KIF26B: variants seen among roughly 807,000 people sequenced by gnomAD.
KIF26B encodes the protein kinesin-like protein KIF26B.
In KIF26B, 63 loss-of-function variants were observed where a neutral mutation model predicts 151.2. The ratio of observed to expected loss-of-function variants is 0.42; its 90% CI spans 0.34 to 0.51. The LOEUF (loss-of-function observed/expected upper bound fraction) is 0.51. Ranked by LOEUF, KIF26B falls within the 20% of genes least tolerant of loss-of-function variation. The pLI is 0.07. For synonymous variants in KIF26B, 1,357 were observed against 1,262.1 expected (o/e 1.08, Z -1.59); for missense variants, 2,813 against 2,913.6 (o/e 0.97, Z 0.79).
intron 2 of KIF26B, among the ~76,000 whole-genome samples, chr1:245,175,982 A>G (rs1265639294): frequency 6.7e-6 from 1 of 148,238 alleles, no homozygotes; most frequent in South Asian, 2.1e-4. Flanking sequence ...ACATCTATAT[A>G]TATAGATATA....
rs115292744 is a variant in KIF26B at position 245,612,761 on chromosome 1, G to C, written c.2098+785G>C. On this transcript the variant is annotated intron_variant, in intron 9 of 14. Coordinates refer to ENST00000407071, the MANE Select transcript of KIF26B (RefSeq NM_018012.4). ...AATCAGACTTTTGAATAACTACCCAGACCCTGGCTGCCTCCCTCAAATCGT... is the reference window on the plus strand; with the variant it reads ...AATCAGACTTTTGAATAACTACCCACACCCTGGCTGCCTCCCTCAAATCGT... Among the ~76,000 whole-genome samples, 746 of 152,236 alleles carry C rather than the reference G, an allele frequency of 4.9e-3. 7 individuals are homozygous for C. The highest frequency in any genetic ancestry group is 0.017 in the African/African-American group (709 of 41,544).
chr1:245,162,600 A>G (rs991726442), intron 2 of KIF26B, among the ~76,000 whole-genome samples: 2 of 152,020 alleles, frequency 1.3e-5, no homozygotes, highest in Non-Finnish European at 2.9e-5. Context: ...TGGTCAGGCT[A>G]GTCTCTATCT....
rs1435500334 is a variant in KIF26B, at chr1:245,155,466, C to T, written c.42C>T (p.Ser14=). 1 of 1,612,208 alleles carries T rather than the reference C, an allele frequency of 6.2e-7. No homozygotes were observed. The highest frequency in any genetic ancestry group is 8.5e-7 in the Non-Finnish European group (1 of 1,179,070). ...VAGNKERLAV[S]TRGKKYGVNE... Reference sequence around the variant, plus strand: ...GGAATAAAGAGAGGCTTGCGGTCTCCACCAGGGGCAAGAAATACGGGGTAA... The same window carrying T: ...GGAATAAAGAGAGGCTTGCGGTCTCTACCAGGGGCAAGAAATACGGGGTAA... The change falls in exon 1 of 15, where the codon TCC becomes TCT. Residue 14 remains serine (S), a synonymous_variant. Coordinates refer to ENST00000407071, the MANE Select transcript of KIF26B (RefSeq NM_018012.4).
chr1:245,377,876 C>A (rs919946362), intron 3 of KIF26B, among the ~76,000 whole-genome samples: 1 of 152,112 alleles, frequency 6.6e-6, no homozygotes, highest in Non-Finnish European at 1.5e-5. Context: ...ACGTGTCATA[C>A]CTGCATGCAT....
intron 4 of KIF26B, among the ~76,000 whole-genome samples, chr1:245,535,275 A>T (rs1661464738): frequency 6.6e-6 from 1 of 152,228 alleles, no homozygotes; most frequent in African/African-American, 2.4e-5. Flanking sequence ...GCTTATAATG[A>T]TGTCAAAGAT....
chr1:245,393,014 T>C (rs534765714), intron 3 of KIF26B, among the ~76,000 whole-genome samples: 2 of 152,032 alleles, frequency 1.3e-5, no homozygotes, highest in Admixed American at 1.3e-4. Flanking sequence ...CTACTAAAGA[T>C]ACAAAAATTA....
chr1:245,577,138 T>C (rs1016070000), intron 5 of KIF26B, among the ~76,000 whole-genome samples: 3 of 152,212 alleles, frequency 2.0e-5, no homozygotes, highest in Non-Finnish European at 4.4e-5. Flanking sequence ...ACCTCTCAGT[T>C]TACAGGTGAG....
rs1248720329 is a variant in KIF26B at position 245,274,585 on chromosome 1, T to G, written c.466-92249T>G. Among the ~76,000 whole-genome samples, 3 of 152,210 alleles carry G rather than the reference T, an allele frequency of 2.0e-5. No individual in the cohort carries two copies. The East Asian group carries it at 5.8e-4, about 29-fold the overall frequency. On this transcript the variant is annotated intron_variant, in intron 2 of 14. Coordinates refer to ENST00000407071, the MANE Select transcript of KIF26B (RefSeq NM_018012.4). The stretch of plus-strand genomic sequence containing the variant: ...CACCTTTTTTTATGGCTGCATAGTA[T>G]TCCATGGTGTATATGTGCCACATTT...
intron 2 of KIF26B, chr1:245,282,949 C>A: frequency 3.1e-6 from 1 of 318,596 alleles, no homozygotes; most frequent in Non-Finnish European, 6.4e-6. Flanking sequence ...CTGTAGTAGC[C>A]ACCACCGAAG....
intron 2 of KIF26B, among the ~76,000 whole-genome samples, chr1:245,210,186 C>T (rs747562432): frequency 1.3e-5 from 2 of 152,218 alleles, no homozygotes; most frequent in South Asian, 4.1e-4. Flanking sequence ...CAGCCCACCC[C>T]CAAGGCCCCG....
chr1:245,584,527 GA>G (rs2043205342), intron 5 of KIF26B, among the ~76,000 whole-genome samples: 1 of 152,188 alleles, frequency 6.6e-6, no homozygotes, highest in Non-Finnish European at 1.5e-5. Context: ...TTCAGTGCCA[GA>G]ACAGTGTCCT....
chr1:245,614,347 G>A (rs923258691), intron 9 of KIF26B, among the ~76,000 whole-genome samples: 25 of 152,238 alleles, frequency 1.6e-4, no homozygotes, highest in African/African-American at 6.0e-4. Flanking sequence ...GCTAATTTTT[G>A]TACGTTAAGT....
At chr1:245,173,653 C>T (rs1487703442) in intron 2 of KIF26B, among the ~76,000 whole-genome samples, 1 of 152,162 alleles carries the variant, frequency 6.6e-6, no homozygotes, top group Non-Finnish European at 1.5e-5. Context: ...CCTTCCTGCT[C>T]CCCGGCCTCC....
intron 2 of KIF26B, among the ~76,000 whole-genome samples, chr1:245,169,332 T>TGTGGGTGTGTGTGG (rs780111536): frequency 6.8e-6 from 1 of 148,038 alleles, no homozygotes; most frequent in Non-Finnish European, 1.5e-5. Flanking sequence ...GGCCATGGTG[T>TGTGGGTGTGTGTGG]GTGTGTGTGT....
intron 4 of KIF26B, among the ~76,000 whole-genome samples, chr1:245,425,949 C>A (rs1049568146): frequency 2.0e-5 from 3 of 152,096 alleles, no homozygotes; most frequent in Non-Finnish European, 2.9e-5. Flanking sequence ...TAGTTGACAG[C>A]CTTTCTACCA....
intron 4 of KIF26B, among the ~76,000 whole-genome samples, chr1:245,431,992 T>A (rs1164578896): frequency 6.6e-6 from 1 of 151,884 alleles, no homozygotes; most frequent in Non-Finnish European, 1.5e-5. Context: ...GGCCATTCCC[T>A]CCCCCTAGGC....
At chr1:245,433,445 T>G in intron 4 of KIF26B, among the ~76,000 whole-genome samples, 1 of 145,000 alleles carries the variant, frequency 6.9e-6, no homozygotes, top group African/African-American at 2.6e-5. Context: ...CCAGCCTGGG[T>G]GACACAGCAA....
intron 2 of KIF26B, among the ~76,000 whole-genome samples, chr1:245,280,645 G>T: frequency 8.4e-6 from 1 of 118,984 alleles, no homozygotes; most frequent in Admixed American, 9.7e-5. Flanking sequence ...GGGTACATGT[G>T]CACGTTGTGC....
chr1:245,619,827 C>A (rs1389779496), intron 9 of KIF26B, among the ~76,000 whole-genome samples: 1 of 151,992 alleles, frequency 6.6e-6, no homozygotes, highest in Non-Finnish European at 1.5e-5. Flanking sequence ...GCAGGAGAAT[C>A]ACTTGAACCT....
Sources: gnomAD v4.1 joint callset for allele counts (sites outside exome capture counted in the v4.1 genomes callset) on GRCh38, gnomAD v4.1.1 for gene constraint, MANE v1.5 for transcripts, NCBI Gene and HGNC (gene_info 2026-07-23, HGNC 2026-07-21) for gene names.